HDGFL2: variants seen among roughly 807,000 people sequenced by gnomAD.
The protein encoded by HDGFL2 is hepatoma-derived growth factor-related protein 2.
A neutral mutation model predicts 77.1 loss-of-function variants in HDGFL2; 36 were observed. The ratio of observed to expected loss-of-function variants is 0.47; its 90% CI spans 0.36 to 0.62. HDGFL2 has a LOEUF of 0.62. Ranked by LOEUF, HDGFL2 falls within the 20% of genes least tolerant of loss-of-function variation. The pLI is 0.00. For missense variants in HDGFL2, 976 were observed against 973.4 expected (o/e 1.00, Z -0.04); for synonymous variants, 463 against 413.1 (o/e 1.12, Z -1.46).
chr19:4,486,052 CAAAA>C (rs548919228), intron 3 of HDGFL2, among the ~76,000 whole-genome samples: 5 of 74,968 alleles, frequency 6.7e-5, no homozygotes, highest in Non-Finnish European at 8.2e-5. Flanking sequence ...GACCCCGTCT[CAAAA>C]AAAAAAAAAA....
intron 3 of HDGFL2, among the ~76,000 whole-genome samples, chr19:4,480,897 C>T (rs1975195389): frequency 6.6e-6 from 1 of 151,898 alleles, no homozygotes; most frequent in Admixed American, 6.6e-5. Context: ...CACTCTGTTG[C>T]CCAGGCTGGA....
rs775584906 is a variant in HDGFL2, at chr19:4,491,419, C to T, written c.490-147C>T. 60 of 666,814 alleles carry T rather than the reference C, an allele frequency of 9.0e-5. 1 individual carries two copies. Among genetic ancestry groups the T allele is most frequent in the Middle Eastern group, 4.0e-4 (1 of 2,480 alleles). The allele number at this position is 666,814 out of a possible 1,614,324, so 41.3% of individuals were successfully genotyped here. ...ATAATGTCCTCAAGGTTCAAGATCC[C>T]TGGTTTGATCAGGTTCTCAGAGGGT... On this transcript the variant is annotated intron_variant, in intron 4 of 15. Transcript: ENST00000616600.
chr19:4,487,397 C>T (rs1316125020), intron 3 of HDGFL2, among the ~76,000 whole-genome samples: 1 of 152,192 alleles, frequency 6.6e-6, no homozygotes, highest in African/African-American at 2.4e-5. Flanking sequence ...GCTGGGACCG[C>T]AGGCCCACAC....
rs367918025 is a variant in HDGFL2, at chr19:4,499,561, G to A, written c.1646G>A (p.Arg549Gln). Residue 549 changes from arginine (R) to glutamine (Q), a missense_variant, in exon 14 of 16, where the codon CGG (arginine) becomes CAG (glutamine). This residue lies in a region of HDGFL2 where 229 missense variants were observed against 187.3 expected (regional missense o/e 1.22). Coordinates refer to ENST00000616600, the MANE Select transcript of HDGFL2 (RefSeq NM_001001520.3). ...AAEVYTRLKS[R>Q]VLGPKIEAVQ... ...GAAGTCTATACCCGGCTCAAGTCGC[G>A]GGTCCTCGGCCCAAAGATCGAGGCG... The A allele has an allele frequency of 3.5e-5, 56 of 1,613,690 alleles. No individual in the cohort carries two copies. Among genetic ancestry groups the A allele is most frequent in the Middle Eastern group, 1.6e-4 (1 of 6,062 alleles).
intron 10 of HDGFL2, 64 bp downstream of exon 10, chr19:4,496,469 C>A: frequency 1.6e-6 from 2 of 1,254,584 alleles, no homozygotes; most frequent in Non-Finnish European, 1.1e-6. Context: ...CCACAACCCT[C>A]ACCCCTCACA....
Position 4,494,324 on chromosome 19 carries a change from A to G in HDGFL2, c.1073A>G (p.Asp358Gly), listed in dbSNP as rs924261485. Residue 358 changes from aspartate to glycine, a missense_variant, in exon 9 of 16, where the codon GAC (aspartate) becomes GGC (glycine). Physicochemically the swap from Asp to Gly is moderately conservative, Grantham distance 94. Transcript: ENST00000616600. The stretch of plus-strand genomic sequence containing the variant: ...AAGGAGCGGAGGCGCGAGCGGGCCG[A>G]CCGCGGGGAGGCTGAGCGGGGCAGC... ...EEKERRRERA[D>G]RGEAERGSGG... 2.1e-6 allele frequency: 3 copies of G among 1,420,682 alleles called. No homozygotes were observed. In the African/African-American group the frequency reaches 4.6e-5, roughly 22 times the overall value. The allele number at this position is 1,420,682 out of a possible 1,614,324, so 88.0% of individuals were successfully genotyped here.
intron 8 of HDGFL2, 42 bp from the exon 9 acceptor site, chr19:4,494,124 G>A (rs1199815337): frequency 1.0e-5 from 15 of 1,503,008 alleles, no homozygotes; most frequent in Non-Finnish European, 1.3e-5. Flanking sequence ...GCGGGCTCCT[G>A]AGGGAGGAAC....
rs1247475905 is a variant in HDGFL2, at chr19:4,494,444, A to G, written c.1193A>G (p.Asp398Gly). 21 of 1,395,878 alleles carry G rather than the reference A, an allele frequency of 1.5e-5. No individual in the cohort carries two copies. The highest frequency in any genetic ancestry group is 1.9e-5 in the Non-Finnish European group (21 of 1,079,450). The allele number at this position is 1,395,878 out of a possible 1,614,324, so 86.5% of individuals were successfully genotyped here. Residue 398 changes from aspartate to glycine, a missense_variant, in exon 9 of 16, where the codon GAC becomes GGC. Physicochemically the swap from Asp to Gly is moderately conservative, Grantham distance 94. Transcript: ENST00000616600. ...GGCCGGGGTCCCCCGTCCTCCTCTG[A>G]CTCCGAGCCCGAGGCCGAGCTGGAG... ...GRGRGPPSSS[D>G]SEPEAELERE...
chr19:4,480,365 C>T (rs1168793499), intron 3 of HDGFL2, among the ~76,000 whole-genome samples: 3 of 152,168 alleles, frequency 2.0e-5, no homozygotes, highest in African/African-American at 7.2e-5. Context: ...TCTTTTCCTT[C>T]TGGCTGGTAC....
chr19:4,491,916 G>A (rs980920918), intron 6 of HDGFL2, 81 bp downstream of exon 6: 5 of 1,330,120 alleles, frequency 3.8e-6, no homozygotes, highest in Admixed American at 1.8e-5. Context: ...AGGGCAGGGC[G>A]GGCCATTTCT....
chr19:4,488,595 C>A, intron 3 of HDGFL2, 81 bp from the exon 4 acceptor site: 1 of 1,289,262 alleles, frequency 7.8e-7, no homozygotes, highest in Admixed American at 2.2e-5. Context: ...CATGTGGTTG[C>A]CGTCCTCTGG....
At chr19:4,478,201 T>C (rs932871238) in intron 3 of HDGFL2, among the ~76,000 whole-genome samples, 14 of 151,676 alleles carry the variant, frequency 9.2e-5, no homozygotes, top group African/African-American at 3.1e-4. Flanking sequence ...GCTGCTGTTT[T>C]TTTTTTTTTG....
chr19:4,480,354 T>C (rs1476633602), intron 3 of HDGFL2, among the ~76,000 whole-genome samples: 1 of 152,168 alleles, frequency 6.6e-6, no homozygotes, highest in Non-Finnish European at 1.5e-5. Flanking sequence ...CAGGCTGGCA[T>C]TCTTTTCCTT....
chr19:4,499,135 CAGG>C (rs749820515), intron 13 of HDGFL2, among the ~76,000 whole-genome samples: 375 of 151,800 alleles, frequency 2.5e-3, no homozygotes, highest in Non-Finnish European at 2.5e-3. Context: ...ATCACGAGGT[CAGG>C]AGATCAAGAC....
rs1330416219 is a variant in HDGFL2 at position 4,502,116 on chromosome 19, T to A, written c.*106T>A. On this transcript the variant is annotated 3_prime_UTR_variant, in exon 16 of 16. Coordinates refer to ENST00000616600, the MANE Select transcript of HDGFL2 (RefSeq NM_001001520.3). ...GAACTGTGGGGAACGCTGTGCTGTT[T>A]GTATTTGTTCCCTTGGGTTTTTTTT... is the stretch of plus-strand genomic sequence containing the variant. The A allele has an allele frequency of 4.8e-6, 4 of 832,894 alleles. No individual in the cohort carries two copies. The highest frequency in any genetic ancestry group is 7.9e-6 in the Non-Finnish European group (4 of 506,602). The allele number at this position is 832,894 out of a possible 1,614,324, so 51.6% of individuals were successfully genotyped here.
intron 3 of HDGFL2, 86 bp downstream of exon 3, chr19:4,475,669 G>A: frequency 6.9e-7 from 1 of 1,450,300 alleles, no homozygotes. Flanking sequence ...CCTGGGCACT[G>A]TGGACACATG....
chr19:4,478,197 G>GTTTTTTTT (rs113038095), intron 3 of HDGFL2, among the ~76,000 whole-genome samples: 1 of 140,478 alleles, frequency 7.1e-6, no homozygotes, highest in Non-Finnish European at 1.5e-5. Context: ...GGATGCTGCT[G>GTTTTTTTT]TTTTTTTTTT....
At chr19:4,482,368 C>A (rs536219730) in intron 3 of HDGFL2, among the ~76,000 whole-genome samples, 1 of 152,090 alleles carries the variant, frequency 6.6e-6, no homozygotes, top group African/African-American at 2.4e-5. Flanking sequence ...CATCACCACA[C>A]CCAGCTAATT....
chr19:4,475,656 T>C (rs905166151), intron 3 of HDGFL2, 73 bp downstream of exon 3: 2 of 1,494,606 alleles, frequency 1.3e-6, no homozygotes, highest in Non-Finnish European at 1.8e-6. Flanking sequence ...TTAGGGTCTC[T>C]CCCCTGGGCA....
Sources: gnomAD v4.1 joint callset for allele counts (sites outside exome capture counted in the v4.1 genomes callset) on GRCh38, gnomAD v4.1.1 for gene constraint, gnomAD v4.1.1 regional missense constraint, MANE v1.5 for transcripts, NCBI Gene and HGNC (gene_info 2026-07-23, HGNC 2026-07-21) for gene names.